The following RAB33B variants were observed in gnomAD, a reference collection of about 807,000 sequenced individuals.
RAB33B encodes RAB33B, member RAS oncogene family.
RAB33B carries 6 observed loss-of-function variants against 15.0 expected under a neutral mutation model. The ratio of observed to expected loss-of-function variants is 0.40; its 90% CI spans 0.22 to 0.79. The LOEUF (loss-of-function observed/expected upper bound fraction) is 0.79, where lower values mean the gene tolerates loss of function less well. RAB33B is among the 30% of genes least tolerant of loss of function. RAB33B has a pLI of 0.37. For synonymous variants in RAB33B, 117 were observed against 108.3 expected (o/e 1.08, Z -0.50); for missense variants, 257 against 296.4 (o/e 0.87, Z 0.98).
intron 1 of RAB33B, among the ~76,000 whole-genome samples, chr4:139,461,483 A>G (rs1579175993): frequency 6.6e-6 from 1 of 152,212 alleles, no homozygotes; most frequent in Non-Finnish European, 1.5e-5. Context: ...ATAGGGTTGC[A>G]TATATTAAAT....
chr4:139,446,817 C>G, the RAB33B span, among the ~76,000 whole-genome samples: 15 of 152,336 alleles, frequency 9.8e-5, no homozygotes, highest in African/African-American at 3.6e-4. Context: ...CAAGGCTGAC[C>G]TGGCTACGGC....
intron 1 of RAB33B, among the ~76,000 whole-genome samples, chr4:139,455,517 A>G (rs1750052937): frequency 6.6e-6 from 1 of 152,136 alleles, no homozygotes; most frequent in Admixed American, 6.5e-5. Context: ...AACGGGTTAT[A>G]CTGCTAATGA....
At chr4:139,455,410 T>C (rs951481837) in intron 1 of RAB33B, among the ~76,000 whole-genome samples, 3 of 151,798 alleles carry the variant, frequency 2.0e-5, no homozygotes, top group African/African-American at 7.3e-5. Flanking sequence ...GGATGGGGAG[T>C]GGTGGGAGAA....
At chr4:139,443,244 G>A in the RAB33B span, among the ~76,000 whole-genome samples, 63 of 152,142 alleles carry the variant, frequency 4.1e-4, 1 homozygote, top group African/African-American at 1.1e-3. Context: ...CGCCTGCCTC[G>A]GCCTCCCAAA....
rs912986858 is a variant in RAB33B, at chr4:139,475,837, C to G, written c.*2711C>G. On this transcript the variant is annotated 3_prime_UTR_variant, in exon 2 of 2. Transcript: ENST00000305626. ...GCAAATACATGTTTCCTCATGAAAT[C>G]TAAGTAATTTTGTTGTGGAATAGTG... 3.9e-5 allele frequency: 6 copies of G among 152,142 alleles called. No homozygotes were observed. The highest frequency in any genetic ancestry group is 7.4e-5 in the Non-Finnish European group (5 of 68,004). 9.4% of individuals were successfully genotyped at this position (152,142 alleles called of 1,614,324 possible).
At chr4:139,445,315 T>G in the RAB33B span, among the ~76,000 whole-genome samples, 1 of 152,248 alleles carries the variant, frequency 6.6e-6, no homozygotes, top group Non-Finnish European at 1.5e-5. Context: ...TAATCTTATT[T>G]GGAGAGAACT....
upstream of RAB33B, chr4:139,449,433 G>T (rs969500985): frequency 2.0e-5 from 3 of 152,186 alleles, no homozygotes; most frequent in African/African-American, 4.8e-5. Context: ...GATCCTGAAT[G>T]TGTCTGTGAG....
At chr4:139,440,699 G>A in the RAB33B span, among the ~76,000 whole-genome samples, 2 of 151,282 alleles carry the variant, frequency 1.3e-5, no homozygotes, top group Non-Finnish European at 2.9e-5. Flanking sequence ...TGCAACCTCC[G>A]TCTCCCAGAT....
intron 1 of RAB33B, among the ~76,000 whole-genome samples, chr4:139,470,118 T>C (rs1750362468): frequency 6.6e-6 from 1 of 152,236 alleles, no homozygotes; most frequent in Non-Finnish European, 1.5e-5. Flanking sequence ...CAGCCAGGCC[T>C]GTGTCCTTCT....
upstream of RAB33B, chr4:139,449,294 A>G (rs1324957226): frequency 6.6e-6 from 1 of 152,196 alleles, no homozygotes; most frequent in African/African-American, 2.4e-5. Flanking sequence ...TGTAATTATG[A>G]CATTATTATT....
intron 1 of RAB33B, among the ~76,000 whole-genome samples, chr4:139,464,901 C>A (rs1044349439): frequency 2.6e-5 from 4 of 152,148 alleles, no homozygotes; most frequent in Admixed American, 1.3e-4. Context: ...TGGGTATATA[C>A]CCAGTAATGA....
intron 1 of RAB33B, among the ~76,000 whole-genome samples, chr4:139,471,219 G>A (rs1382055526): frequency 6.6e-6 from 1 of 152,182 alleles, no homozygotes; most frequent in Non-Finnish European, 1.5e-5. Context: ...GCTGGGATTG[G>A]TGGTTCCCCT....
At chr4:139,451,208 TTA>T (rs1749914058), upstream of RAB33B, 2 of 151,896 alleles carry the variant, frequency 1.3e-5, no homozygotes, top group East Asian at 1.9e-4. Flanking sequence ...CTGTTTACTT[TTA>T]TGTTTTAGAG....
At chr4:139,459,356 A>G (rs979226141) in intron 1 of RAB33B, among the ~76,000 whole-genome samples, 9 of 152,084 alleles carry the variant, frequency 5.9e-5, no homozygotes, top group Admixed American at 1.3e-4. Flanking sequence ...GGATTGCTTG[A>G]GCCCAGGAGT....
In RAB33B at chr4:139,473,516, T is replaced by G. The variant is rs956887995; in HGVS notation, c.*390T>G. The G allele has an allele frequency of 6.0e-6, 1 of 167,912 alleles. No individual in the cohort carries two copies. Among genetic ancestry groups the G allele is most frequent in the African/African-American group, 2.4e-5 (1 of 41,830 alleles). 10.4% of individuals were successfully genotyped at this position (167,912 alleles called of 1,614,324 possible). A position where few individuals can be genotyped will look rare whatever the true frequency, so the allele number is the denominator to read the frequency against. On this transcript the variant is annotated 3_prime_UTR_variant, in exon 2 of 2. Coordinates refer to ENST00000305626, the MANE Select transcript of RAB33B (RefSeq NM_031296.3). ...TGAATGGGAAGTGTTCTTAATAGGA[T>G]AAAAACTGGTATTTGCCTCTCCCCA...
At chr4:139,448,835 TATATGA>T (rs1413848307), upstream of RAB33B, 1 of 152,242 alleles carries the variant, frequency 6.6e-6, no homozygotes, top group Non-Finnish European at 1.5e-5. Context: ...TGCATGTGAG[TATATGA>T]ATGTGAATGT....
chr4:139,447,293 A>T, the RAB33B span, among the ~76,000 whole-genome samples: 50 of 152,338 alleles, frequency 3.3e-4, no homozygotes, highest in Non-Finnish European at 3.8e-4. Context: ...AAAGTTCTCC[A>T]GAAGGCCATG....
intron 1 of RAB33B, among the ~76,000 whole-genome samples, chr4:139,462,106 T>G (rs1750184249): frequency 6.8e-6 from 1 of 146,980 alleles, no homozygotes; most frequent in Non-Finnish European, 1.5e-5. Context: ...CAGGTTGGAG[T>G]GCAGTGGCAC....
chr4:139,472,989 A>G lies in RAB33B; in HGVS notation c.553A>G (p.Asn185Asp), dbSNP rs747031994. 1.6e-5 allele frequency: 26 copies of G among 1,614,056 alleles called. No individual in the cohort carries two copies. The highest frequency in any genetic ancestry group is 2.1e-5 in the Non-Finnish European group (25 of 1,180,040). ...FETSAKNPND[N>D]DHVEAIFMTL... ...AACGTCTGCTAAAAACCCCAATGAT[A>G]ATGACCATGTGGAAGCTATATTTAT... The change falls in exon 2 of 2, where the codon AAT becomes GAT. Residue 185 changes from asparagine (N) to aspartate (D), a missense_variant. Asn to Asp is a conservative substitution (Grantham distance 23). Transcript: ENST00000305626.
Sources: allele counts gnomAD v4.1 joint callset (sites outside exome capture counted in the v4.1 genomes callset), GRCh38; gene constraint gnomAD v4.1.1; transcripts MANE v1.5; gene names NCBI Gene and HGNC (gene_info 2026-07-23, HGNC 2026-07-21).